HYAL4: variants seen among roughly 807,000 people sequenced by gnomAD.
HYAL4 encodes the protein hyaluronidase 4.
HYAL4 carries 37 observed loss-of-function variants against 35.2 expected under a neutral mutation model. The ratio of observed to expected loss-of-function variants is 1.05; its 90% CI spans 0.81 to 1.38. The LOEUF (loss-of-function observed/expected upper bound fraction) is 1.38. Among genes scored for constraint, HYAL4 ranks in the 40% most tolerant of loss-of-function variants. The probability of loss-of-function intolerance (pLI) is 0.00; values close to 1 mark genes in which losing one functional copy is unlikely to be tolerated. For synonymous variants in HYAL4, 198 were observed against 203.2 expected (o/e 0.97, Z 0.22); for missense variants, 572 against 572.4 (o/e 1.00, Z 0.01).
chr7:123,775,181 C>T, the HYAL4 span, among the ~76,000 whole-genome samples: 1 of 152,198 alleles, frequency 6.6e-6, no homozygotes, highest in African/African-American at 2.4e-5. Context: ...GCCTGTAATC[C>T]TGGCACTTTG....
At chr7:123,835,187 C>T (rs1466663690) in intron 1 of HYAL4, among the ~76,000 whole-genome samples, 1 of 151,982 alleles carries the variant, frequency 6.6e-6, no homozygotes, top group Non-Finnish European at 1.5e-5. Flanking sequence ...TTGTAGAATT[C>T]AGCTGTGAAT....
At chr7:123,837,962 A>G (rs1419611300) in intron 1 of HYAL4, among the ~76,000 whole-genome samples, 1 of 152,124 alleles carries the variant, frequency 6.6e-6, no homozygotes, top group East Asian at 1.9e-4. Flanking sequence ...TATTGTGAAT[A>G]GTGCCGCAAT....
At chr7:123,873,822 C>T (rs1186973558) in intron 3 of HYAL4, among the ~76,000 whole-genome samples, 1 of 152,150 alleles carries the variant, frequency 6.6e-6, no homozygotes, top group East Asian at 1.9e-4. Flanking sequence ...TCTGTCTTAA[C>T]CATATTGCAG....
At chr7:123,874,569 A>AT (rs1198983502) in intron 3 of HYAL4, among the ~76,000 whole-genome samples, 192 bp from the exon 4 acceptor site, 3 of 151,428 alleles carry the variant, frequency 2.0e-5, no homozygotes, top group East Asian at 3.9e-4. Flanking sequence ...CGCCTGGCTA[A>AT]TTTTTTTTTG....
the HYAL4 span, among the ~76,000 whole-genome samples, chr7:123,788,989 A>C: frequency 6.6e-6 from 1 of 152,196 alleles, no homozygotes; most frequent in Non-Finnish European, 1.5e-5. Flanking sequence ...GATTACAGTC[A>C]CTCTGATAGA....
chr7:123,800,319 G>A, the HYAL4 span, among the ~76,000 whole-genome samples: 2 of 149,814 alleles, frequency 1.3e-5, no homozygotes, highest in Non-Finnish European at 3.0e-5. Context: ...ACGGGCACCC[G>A]CCACCATGCC....
At position 123,876,620 on chromosome 7, in the gene HYAL4, GT is replaced by G; in HGVS notation, c.1045-130del. ...TTCAACAACTGAACCAAGCCATTAT[GT>G]TTTAATCAAGACCAAAGAACTGTGC... On this transcript the variant is annotated intron_variant, in intron 4 of 4. Transcript: ENST00000223026. The G allele has an allele frequency of 5.3e-6, 5 of 936,330 alleles. No individual in the cohort carries two copies. The South Asian group carries it at 8.7e-5, about 16-fold the overall frequency. 58.0% of individuals were successfully genotyped at this position (936,330 alleles called of 1,614,324 possible). A position where few individuals can be genotyped will look rare whatever the true frequency, so the allele number is the denominator to read the frequency against.
chr7:123,790,020 T>G, the HYAL4 span, among the ~76,000 whole-genome samples: 20 of 152,228 alleles, frequency 1.3e-4, no homozygotes, highest in Admixed American at 1.0e-3. Flanking sequence ...TTCTGGCAGG[T>G]GTTTATCTCA....
Position 123,876,855 on chromosome 7 carries a change from G to A in HYAL4, c.1146G>A (p.Arg382=), listed in dbSNP as rs750343694. 6.2e-7 allele frequency: 1 copy of A among 1,614,154 alleles called. No homozygotes were observed. Among genetic ancestry groups the A allele is most frequent in the Non-Finnish European group, 8.5e-7 (1 of 1,180,028 alleles). Residue 382 remains arginine, a synonymous_variant, in exon 5 of 5, where the codon AGG becomes AGA. Transcript: ENST00000223026. ...AGGTATGCAGCCTTCACCTCTGCAG[G>A]AACAATGGCAGGTGCATAAGGAAGA... ...AAEVCSLHLC[R]NNGRCIRKMW...
the HYAL4 span, among the ~76,000 whole-genome samples, chr7:123,822,403 T>G: frequency 6.6e-6 from 1 of 152,190 alleles, no homozygotes; most frequent in South Asian, 2.1e-4. Flanking sequence ...TTTAATGGTA[T>G]TGTAAATGGA....
chr7:123,871,751 T>C (rs1160507174), intron 3 of HYAL4, among the ~76,000 whole-genome samples: 1 of 152,136 alleles, frequency 6.6e-6, no homozygotes, highest in African/African-American at 2.4e-5. Flanking sequence ...GTAAATCAAA[T>C]GAGAACATGC....
intron 1 of HYAL4, among the ~76,000 whole-genome samples, chr7:123,833,295 A>C (rs1805912290): frequency 6.6e-6 from 1 of 152,160 alleles, no homozygotes; most frequent in African/African-American, 2.4e-5. Context: ...AGGTGGTATC[A>C]CATAGTGGTT....
At chr7:123,776,877 C>G in the HYAL4 span, among the ~76,000 whole-genome samples, 1 of 152,318 alleles carries the variant, frequency 6.6e-6, no homozygotes, top group Admixed American at 6.5e-5. Flanking sequence ...TGTCTTTTGA[C>G]AGTGATGATG....
chr7:123,843,036 T>C (rs540180081), upstream of HYAL4, among the ~76,000 whole-genome samples: 61 of 152,154 alleles, frequency 4.0e-4, 1 homozygote, highest in South Asian at 0.012. Flanking sequence ...TTTGAGCCTG[T>C]CATTATGATG....
At chr7:123,800,418 C>G in the HYAL4 span, among the ~76,000 whole-genome samples, 1 of 149,406 alleles carries the variant, frequency 6.7e-6, no homozygotes, top group African/African-American at 2.4e-5. Context: ...ATCCGCCCAC[C>G]TCGGCCTCCC....
chr7:123,807,432 G>GTTTTTTTT, the HYAL4 span, among the ~76,000 whole-genome samples: 3,483 of 120,632 alleles, frequency 0.029, 133 homozygotes, highest in Non-Finnish European at 0.046. Flanking sequence ...ACTTTTTATG[G>GTTTTTTTT]TTTTTTTTTT....
the HYAL4 span, among the ~76,000 whole-genome samples, chr7:123,778,400 GTTCAA>G: frequency 5.9e-5 from 9 of 152,020 alleles, no homozygotes; most frequent in Non-Finnish European, 1.3e-4. Flanking sequence ...ATTGACGGGG[GTTCAA>G]TTCAAGATCA....
intron 1 of HYAL4, among the ~76,000 whole-genome samples, chr7:123,832,917 G>A (rs774646926): frequency 5.3e-5 from 8 of 152,080 alleles, no homozygotes; most frequent in Non-Finnish European, 8.8e-5. Context: ...CCAGGTTGTT[G>A]CGAATGCCAT....
chr7:123,822,262 T>C, the HYAL4 span, among the ~76,000 whole-genome samples: 7 of 152,144 alleles, frequency 4.6e-5, no homozygotes, highest in African/African-American at 1.7e-4. Flanking sequence ...CAATATTAAG[T>C]TTTTCTATCC....
Sources: gnomAD v4.1 joint callset for allele counts (sites outside exome capture counted in the v4.1 genomes callset) on GRCh38, gnomAD v4.1.1 for gene constraint, MANE v1.5 for transcripts, NCBI Gene and HGNC (gene_info 2026-07-23, HGNC 2026-07-21) for gene names.